The following CCBE1 variants were observed in gnomAD, a reference collection of about 807,000 sequenced individuals.
CCBE1 encodes the protein collagen and calcium-binding EGF domain-containing protein 1.
A neutral mutation model predicts 50.0 loss-of-function variants in CCBE1; 37 were observed. The ratio of observed to expected loss-of-function variants is 0.74; its 90% CI spans 0.57 to 0.97. CCBE1 has a LOEUF of 0.97. Among genes scored for constraint, CCBE1 ranks in the 50% least tolerant of loss-of-function variants. The pLI is 0.00. For synonymous variants in CCBE1, 234 were observed against 203.7 expected (o/e 1.15, Z -1.27); for missense variants, 538 against 523.8 (o/e 1.03, Z -0.26).
intron 2 of CCBE1, among the ~76,000 whole-genome samples, chr18:59,692,277 CA>C (rs1001411467): frequency 6.6e-6 from 1 of 152,112 alleles, no homozygotes; most frequent in Non-Finnish European, 1.5e-5. Flanking sequence ...GTGAATTTTT[CA>C]AAGCATTTTA....
At chr18:59,639,764 T>A (rs2053960930) in intron 2 of CCBE1, among the ~76,000 whole-genome samples, 1 of 152,206 alleles carries the variant, frequency 6.6e-6, no homozygotes, top group African/African-American at 2.4e-5. Flanking sequence ...GCCCAAAAGC[T>A]CTTTGATCTG....
intron 2 of CCBE1, among the ~76,000 whole-genome samples, chr18:59,613,825 T>C (rs978536558): frequency 1.3e-5 from 2 of 151,554 alleles, no homozygotes; most frequent in African/African-American, 4.9e-5. Context: ...TTAATTATCT[T>C]TTTAAAATTG....
intron 5 of CCBE1, among the ~76,000 whole-genome samples, chr18:59,458,643 C>T (rs10469220): frequency 0.88 from 133,622 of 152,234 alleles, 58,965 homozygotes; most frequent in Middle Eastern, 0.94. Context: ...GATTGCTGTG[C>T]GAAGAGACCA....
At chr18:59,677,660 G>T (rs939696556) in intron 2 of CCBE1, among the ~76,000 whole-genome samples, 1 of 152,000 alleles carries the variant, frequency 6.6e-6, no homozygotes, top group East Asian at 1.9e-4. Flanking sequence ...AGGATCACTT[G>T]AACCCAGGAG....
intron 2 of CCBE1, among the ~76,000 whole-genome samples, chr18:59,631,555 G>A (rs972188093): frequency 2.6e-5 from 4 of 152,214 alleles, no homozygotes; most frequent in Admixed American, 6.5e-5. Context: ...ATTGAAATAA[G>A]GATCTCTGAG....
At chr18:59,537,889 T>C (rs4940469) in intron 2 of CCBE1, among the ~76,000 whole-genome samples, 42,306 of 152,192 alleles carry the variant, frequency 0.28, 6,076 homozygotes, top group African/African-American at 0.33. Flanking sequence ...GTCACTTTCC[T>C]GTTTGTAAAG....
rs546493145 is a variant in CCBE1, at chr18:59,687,312, T to C, written c.212+9317A>G. Among the ~76,000 whole-genome samples the C allele has an allele frequency of 1.3e-4, 20 of 152,338 alleles. No homozygotes were observed. The South Asian group carries it at 4.1e-3, about 32-fold the overall frequency. Reference sequence around the variant, plus strand: ...CCTTTCTAAGTTTAGCCTACTTAAGTTAAAATGGACATGTTAAAGGTCATG... The same window carrying C: ...CCTTTCTAAGTTTAGCCTACTTAAGCTAAAATGGACATGTTAAAGGTCATG... On this transcript the variant is annotated intron_variant, in intron 2 of 10. Coordinates refer to ENST00000439986, the MANE Select transcript of CCBE1 (RefSeq NM_133459.4).
chr18:59,436,621 A>AG (rs1327809224), intron 10 of CCBE1, among the ~76,000 whole-genome samples: 1 of 152,246 alleles, frequency 6.6e-6, no homozygotes, highest in Admixed American at 6.5e-5. Flanking sequence ...TTCATAAGTG[A>AG]GGATTTAAGC....
intron 2 of CCBE1, among the ~76,000 whole-genome samples, chr18:59,487,599 A>G (rs1451269244): frequency 3.9e-5 from 6 of 152,156 alleles, no homozygotes; most frequent in Non-Finnish European, 7.4e-5. Context: ...CCACTAAGAT[A>G]AAACTAAAAA....
chr18:59,581,973 T>C (rs996608936), intron 2 of CCBE1, among the ~76,000 whole-genome samples: 5 of 152,152 alleles, frequency 3.3e-5, no homozygotes, highest in Non-Finnish European at 7.4e-5. Context: ...TCCTTAGGAA[T>C]CATGGGCTAA....
intron 3 of CCBE1, among the ~76,000 whole-genome samples, chr18:59,478,994 T>A (rs1321078989): frequency 6.6e-6 from 1 of 152,182 alleles, no homozygotes; most frequent in Non-Finnish European, 1.5e-5. Flanking sequence ...TATGGTTCAA[T>A]GAACTGTCCC....
intron 2 of CCBE1, among the ~76,000 whole-genome samples, chr18:59,653,415 C>T (rs536027374): frequency 6.6e-6 from 1 of 152,340 alleles, no homozygotes; most frequent in East Asian, 1.9e-4. Flanking sequence ...ACCAATATAT[C>T]TGGGGACTCA....
At chr18:59,638,616 T>C (rs1253172496) in intron 2 of CCBE1, among the ~76,000 whole-genome samples, 1 of 152,170 alleles carries the variant, frequency 6.6e-6, no homozygotes. Flanking sequence ...AAGAAAAATA[T>C]ATAAAGCTTA....
chr18:59,681,855 G>C (rs2054592643), intron 2 of CCBE1, among the ~76,000 whole-genome samples: 1 of 152,202 alleles, frequency 6.6e-6, no homozygotes, highest in Admixed American at 6.5e-5. Context: ...CAGTCGAGAT[G>C]ATCACCCTTG....
chr18:59,492,572 C>A (rs530832825), intron 2 of CCBE1, among the ~76,000 whole-genome samples: 1 of 152,092 alleles, frequency 6.6e-6, no homozygotes, highest in Non-Finnish European at 1.5e-5. Context: ...AATGTGATTG[C>A]GGAGGTGATG....
At chr18:59,673,403 A>T (rs2054460222) in intron 2 of CCBE1, among the ~76,000 whole-genome samples, 1 of 152,194 alleles carries the variant, frequency 6.6e-6, no homozygotes, top group Non-Finnish European at 1.5e-5. Context: ...GTGAGCCAAG[A>T]TCCCACCACT....
intron 5 of CCBE1, chr18:59,455,284 C>A (rs1911138018): frequency 2.5e-6 from 1 of 407,748 alleles, no homozygotes; most frequent in Non-Finnish European, 4.7e-6. Flanking sequence ...CTCTATAAAT[C>A]TGACATGATT....
At chr18:59,696,344 A>G (rs966398705) in intron 2 of CCBE1, 6 of 642,274 alleles carry the variant, frequency 9.3e-6, no homozygotes, top group South Asian at 1.9e-5. Context: ...CCAAAATCCA[A>G]TCCAATCTCC....
intron 2 of CCBE1, among the ~76,000 whole-genome samples, chr18:59,656,636 T>C (rs970537643): frequency 6.6e-6 from 1 of 152,236 alleles, no homozygotes; most frequent in Non-Finnish European, 1.5e-5. Context: ...ATTATTTGTA[T>C]GTGCATCTAG....
Sources: allele counts gnomAD v4.1 joint callset (sites outside exome capture counted in the v4.1 genomes callset), GRCh38; gene constraint gnomAD v4.1.1; transcripts MANE v1.5; gene names NCBI Gene and HGNC (gene_info 2026-07-23, HGNC 2026-07-21).